The following LDB2 variants were observed in gnomAD, a reference collection of about 807,000 sequenced individuals.
LDB2 encodes LIM domain binding 2.
In LDB2, 12 loss-of-function variants were observed where a neutral mutation model predicts 44.3. The observed-to-expected ratio is 0.27, with a 90% CI of 0.17 to 0.44. The LOEUF (loss-of-function observed/expected upper bound fraction) is 0.44. Among genes scored for constraint, LDB2 ranks in the 20% least tolerant of loss-of-function variants. LDB2 has a pLI of 1.00. For synonymous variants in LDB2, 164 were observed against 174.8 expected, an observed-to-expected ratio of 0.94 and a Z score of 0.49; for missense variants, 344 against 473.5, an observed-to-expected ratio of 0.73 and a Z score of 2.54.
At chr4:16,666,410 C>A (rs1278073782) in intron 2 of LDB2, among the ~76,000 whole-genome samples, 2 of 152,206 alleles carry the variant, frequency 1.3e-5, no homozygotes, top group African/African-American at 4.8e-5. Context: ...CAGCTGTCCT[C>A]CAAACTGCAG....
rs1381691092 is a variant in LDB2 at position 16,562,555 on chromosome 4, G to C, written c.615+23367C>G. On this transcript the variant is annotated intron_variant, in intron 5 of 7. Transcript: ENST00000304523. Reference sequence around the variant, plus strand: ...CAGTTACAATGGCAGTCATTAAAAAGTCAGGAAACAACAGGTACTGGAGAG... The same window carrying C: ...CAGTTACAATGGCAGTCATTAAAAACTCAGGAAACAACAGGTACTGGAGAG... Among the ~76,000 whole-genome samples the C allele has an allele frequency of 2.0e-5, 3 of 152,322 alleles. No individual in the cohort carries two copies. In the South Asian group the frequency reaches 6.2e-4, roughly 32 times the overall value.
intron 2 of LDB2, among the ~76,000 whole-genome samples, chr4:16,603,563 T>C (rs1287533634): frequency 6.6e-6 from 1 of 152,202 alleles, no homozygotes; most frequent in African/African-American, 2.4e-5. Context: ...GACGATACAA[T>C]AGTCTTTTAG....
At chr4:16,592,465 C>CATATATATATATAT (rs71589671) in intron 3 of LDB2, among the ~76,000 whole-genome samples, 1 of 116,598 alleles carries the variant, frequency 8.6e-6, no homozygotes, top group African/African-American at 3.6e-5. Context: ...ATTATACATA[C>CATATATATATATAT]ATATATATAT....
At chr4:16,681,636 T>TC (rs1384399141) in intron 2 of LDB2, among the ~76,000 whole-genome samples, 1 of 139,902 alleles carries the variant, frequency 7.1e-6, no homozygotes, top group East Asian at 2.0e-4. Flanking sequence ...TTTTTTTTTT[T>TC]TTTTTTTTGC....
chr4:16,631,757 A>T (rs1732023148), intron 2 of LDB2, among the ~76,000 whole-genome samples: 1 of 152,250 alleles, frequency 6.6e-6, no homozygotes, highest in African/African-American at 2.4e-5. Flanking sequence ...AGGCGATGTC[A>T]CTACCAATCC....
At chr4:16,604,813 T>C (rs1247839595) in intron 2 of LDB2, among the ~76,000 whole-genome samples, 1 of 152,212 alleles carries the variant, frequency 6.6e-6, no homozygotes, top group African/African-American at 2.4e-5. Context: ...GATTCATTAA[T>C]ATATTTTCAA....
chr4:16,716,731 C>A (rs1039021120), intron 2 of LDB2, among the ~76,000 whole-genome samples: 1 of 152,098 alleles, frequency 6.6e-6, no homozygotes, highest in Non-Finnish European at 1.5e-5. Flanking sequence ...CATACCGTAC[C>A]CTAGAATTTC....
chr4:16,551,295 A>C (rs1250350020), intron 5 of LDB2, among the ~76,000 whole-genome samples: 2 of 152,148 alleles, frequency 1.3e-5, no homozygotes, highest in African/African-American at 4.8e-5. Context: ...TGTTCATTCT[A>C]TTCATCTTAA....
intron 2 of LDB2, among the ~76,000 whole-genome samples, chr4:16,647,599 A>C (rs1737145020): frequency 6.6e-6 from 1 of 152,094 alleles, no homozygotes; most frequent in Non-Finnish European, 1.5e-5. Flanking sequence ...ACTGCATTCG[A>C]TCTGACCCTA....
intron 7 of LDB2, among the ~76,000 whole-genome samples, chr4:16,508,026 C>G (rs1720228892): frequency 6.6e-6 from 1 of 152,164 alleles, no homozygotes; most frequent in African/African-American, 2.4e-5. Flanking sequence ...ATGCAATGGG[C>G]TAAGCGAGAG....
At chr4:16,597,835 A>G (rs1721431475) in intron 2 of LDB2, among the ~76,000 whole-genome samples, 1 of 152,220 alleles carries the variant, frequency 6.6e-6, no homozygotes, top group African/African-American at 2.4e-5. Flanking sequence ...AGAGTCTTTA[A>G]GTTTAAACCT....
chr4:16,529,305 G>A (rs545464087), intron 5 of LDB2, among the ~76,000 whole-genome samples: 2 of 152,258 alleles, frequency 1.3e-5, no homozygotes, highest in Non-Finnish European at 2.9e-5. Flanking sequence ...GTGGTATAAT[G>A]AGCTGAATAT....
intron 2 of LDB2, among the ~76,000 whole-genome samples, chr4:16,618,458 T>A (rs934744259): frequency 1.3e-5 from 2 of 152,186 alleles, no homozygotes; most frequent in African/African-American, 4.8e-5. Context: ...GCCTTGTATA[T>A]ATGTATATAT....
intron 1 of LDB2, among the ~76,000 whole-genome samples, chr4:16,791,079 T>A (rs1775600473): frequency 6.6e-6 from 1 of 152,200 alleles, no homozygotes; most frequent in Admixed American, 6.5e-5. Context: ...CAGGTTAGCT[T>A]TCTCTACTGA....
rs142644859 is a variant in LDB2 at position 16,784,525 on chromosome 4, C to T, written c.133-25265G>A. Among the ~76,000 whole-genome samples the T allele has an allele frequency of 5.3e-5, 8 of 152,326 alleles. No homozygotes were observed. In the East Asian group the frequency reaches 9.6e-4, roughly 18 times the overall value. On this transcript the variant is annotated intron_variant, in intron 1 of 7. Coordinates refer to ENST00000304523, the MANE Select transcript of LDB2 (RefSeq NM_001290.5). ...AACCTCAGATATTTTTCCTCTTCCCCTCCATAAAGAGCAATGGTTCAGGAC... is the reference window on the plus strand; with the variant it reads ...AACCTCAGATATTTTTCCTCTTCCCTTCCATAAAGAGCAATGGTTCAGGAC...
At chr4:16,584,340 A>T (rs188276284) in intron 5 of LDB2, among the ~76,000 whole-genome samples, 1 of 152,340 alleles carries the variant, frequency 6.6e-6, no homozygotes, top group African/African-American at 2.4e-5. Context: ...GATATGACCC[A>T]ATTCCTATCC....
At chr4:16,672,968 C>A (rs188427188) in intron 2 of LDB2, among the ~76,000 whole-genome samples, 1 of 151,434 alleles carries the variant, frequency 6.6e-6, no homozygotes, top group Admixed American at 6.6e-5. Context: ...CTTTCTCCCT[C>A]CCTCCATCCT....
chr4:16,546,133 A>AT (rs1735658233), intron 5 of LDB2, among the ~76,000 whole-genome samples: 1 of 152,178 alleles, frequency 6.6e-6, no homozygotes, highest in South Asian at 2.1e-4. Flanking sequence ...TCAGGCTAGC[A>AT]TTTTTTAAGC....
chr4:16,836,751 T>C (rs913438973), intron 1 of LDB2, among the ~76,000 whole-genome samples: 8 of 152,228 alleles, frequency 5.3e-5, no homozygotes, highest in African/African-American at 1.9e-4. Flanking sequence ...CATGGAATTA[T>C]TGAATCCTTA....
Sources: gnomAD v4.1 joint callset for allele counts (sites outside exome capture counted in the v4.1 genomes callset) on GRCh38, gnomAD v4.1.1 for gene constraint, MANE v1.5 for transcripts, NCBI Gene and HGNC (gene_info 2026-07-23, HGNC 2026-07-21) for gene names.